Variants in SPIDR observed in about 807,000 individuals in gnomAD.
SPIDR encodes DNA repair-scaffolding protein.
A neutral mutation model predicts 104.6 loss-of-function variants in SPIDR; 93 were observed. The ratio of observed to expected loss-of-function variants is 0.89; its 90% CI spans 0.75 to 1.06. SPIDR has a LOEUF of 1.06. Among genes scored for constraint, SPIDR ranks in the 50% least tolerant of loss-of-function variants. The pLI, the probability that SPIDR is intolerant of heterozygous loss-of-function variation, is 0.00. For synonymous variants in SPIDR, 431 were observed against 416.9 expected, an observed-to-expected ratio of 1.03 and a Z score of -0.41; for missense variants, 1,154 against 1,111.2, an observed-to-expected ratio of 1.04 and a Z score of -0.55.
chr8:47,320,270 C>T (rs1223259339), intron 5 of SPIDR, among the ~76,000 whole-genome samples: 5 of 152,092 alleles, frequency 3.3e-5, no homozygotes. Flanking sequence ...GGAGATATCA[C>T]CACTAATCCC....
chr8:47,543,805 G>A (rs879426643), intron 8 of SPIDR, among the ~76,000 whole-genome samples: 3 of 152,110 alleles, frequency 2.0e-5, no homozygotes, highest in African/African-American at 7.2e-5. Flanking sequence ...GAGATATGGT[G>A]GTCAGTTTTT....
chr8:47,285,265 A>G (rs1705417083), intron 3 of SPIDR, among the ~76,000 whole-genome samples: 2 of 152,194 alleles, frequency 1.3e-5, no homozygotes, highest in Non-Finnish European at 2.9e-5. Context: ...TACTATTTCA[A>G]GTGACATGGA....
intron 8 of SPIDR, among the ~76,000 whole-genome samples, chr8:47,590,989 T>C (rs373603891): frequency 1.3e-5 from 2 of 152,200 alleles, no homozygotes; most frequent in African/African-American, 4.8e-5. Context: ...AATGTTTACA[T>C]GATGTATCTT....
chr8:47,662,423 C>T (rs2074265013), intron 10 of SPIDR, among the ~76,000 whole-genome samples: 1 of 152,276 alleles, frequency 6.6e-6, no homozygotes, highest in Admixed American at 6.5e-5. Context: ...ACTTTTAACA[C>T]TATATAAACA....
At chr8:47,319,292 A>G (rs1276799869) in intron 5 of SPIDR, among the ~76,000 whole-genome samples, 3 of 152,198 alleles carry the variant, frequency 2.0e-5, no homozygotes, top group Admixed American at 6.5e-5. Context: ...AGGGGTTTCA[A>G]TCCTAGTCTC....
intron 8 of SPIDR, among the ~76,000 whole-genome samples, chr8:47,469,241 G>C (rs2075328322): frequency 6.6e-6 from 1 of 152,114 alleles, no homozygotes; most frequent in Non-Finnish European, 1.5e-5. Context: ...GTACACTGTT[G>C]GTGGGAGTAT....
intron 2 of SPIDR, among the ~76,000 whole-genome samples, chr8:47,283,408 T>C (rs927195372): frequency 1.3e-5 from 2 of 152,170 alleles, no homozygotes; most frequent in African/African-American, 4.8e-5. Context: ...ACAGTAGTAA[T>C]ACCAGAGATC....
chr8:47,460,862 A>G (rs1453779298), intron 8 of SPIDR, among the ~76,000 whole-genome samples: 4 of 152,134 alleles, frequency 2.6e-5, no homozygotes, highest in African/African-American at 9.7e-5. Flanking sequence ...GGTAGTGGCG[A>G]ATTCTCTCAG....
At position 47,701,974 on chromosome 8, in the gene SPIDR, C is replaced by G. The variant is rs747279596; in HGVS notation, c.1936C>G (p.Arg646Gly). 1 of 1,613,804 alleles carries G rather than the reference C, an allele frequency of 6.2e-7. No homozygotes were observed. The highest frequency in any genetic ancestry group is 1.3e-5 in the African/African-American group (1 of 74,812). Residue 646 changes from arginine (R) to glycine (G), a missense_variant, in exon 14 of 20, where the codon CGT becomes GGT. Arg to Gly is a moderately radical substitution (Grantham distance 125). Transcript: ENST00000297423. The part of the protein sequence containing the change: ...DILQMNDLGT[R>G]CSFYATVIYQ... ...TTTCCAGATGAATGATCTTGGTACC[C>G]GTTGCAGTTTCTATGCCACGGTGAT...
intron 1 of SPIDR, among the ~76,000 whole-genome samples, chr8:47,267,077 TG>T (rs1554547406): frequency 6.6e-6 from 1 of 152,268 alleles, no homozygotes; most frequent in African/African-American, 2.4e-5. Flanking sequence ...CTATTTATTT[TG>T]AATAAATTTT....
At chr8:47,508,055 G>A (rs900389049) in intron 8 of SPIDR, among the ~76,000 whole-genome samples, 1 of 152,154 alleles carries the variant, frequency 6.6e-6, no homozygotes, top group African/African-American at 2.4e-5. Flanking sequence ...GGCTACCCTG[G>A]GAGCAGACTG....
At chr8:47,300,137 T>C (rs2041778784) in intron 5 of SPIDR, among the ~76,000 whole-genome samples, 1 of 152,232 alleles carries the variant, frequency 6.6e-6, no homozygotes, top group Non-Finnish European at 1.5e-5. Flanking sequence ...GAGCCTGTTA[T>C]TGGTCCATTC....
intron 16 of SPIDR, among the ~76,000 whole-genome samples, chr8:47,725,558 A>G (rs1314237625): frequency 6.6e-6 from 1 of 151,996 alleles, no homozygotes; most frequent in Admixed American, 6.6e-5. Context: ...CGCCTGGCTA[A>G]TTTTTGTATT....
chr8:47,386,077 T>C (rs1488926861), intron 5 of SPIDR, among the ~76,000 whole-genome samples: 1 of 152,014 alleles, frequency 6.6e-6, no homozygotes, highest in Non-Finnish European at 1.5e-5. Context: ...TCTCTCTGGA[T>C]AGGTAGTTAT....
chr8:47,416,115 G>C (rs1223683412), intron 7 of SPIDR, among the ~76,000 whole-genome samples: 1 of 152,142 alleles, frequency 6.6e-6, no homozygotes, highest in Admixed American at 6.5e-5. Context: ...GTGGTGGCAG[G>C]CGCCTGTAAT....
At chr8:47,708,247 C>T (rs1007625929) in intron 14 of SPIDR, among the ~76,000 whole-genome samples, 9 of 152,184 alleles carry the variant, frequency 5.9e-5, no homozygotes, top group Non-Finnish European at 7.3e-5. Context: ...TGCAGTGAGC[C>T]GAAATTGTGC....
intron 8 of SPIDR, among the ~76,000 whole-genome samples, chr8:47,467,923 G>A (rs574497685): frequency 6.6e-6 from 1 of 152,274 alleles, no homozygotes. Flanking sequence ...AATTATTCCT[G>A]TTTGCAGAAG....
chr8:47,636,198 A>G (rs2067897415), intron 10 of SPIDR, among the ~76,000 whole-genome samples: 1 of 152,116 alleles, frequency 6.6e-6, no homozygotes, highest in Non-Finnish European at 1.5e-5. Context: ...GTGATCAGTG[A>G]TCTTTTATGT....
chr8:47,410,807 C>G (rs182966044), intron 7 of SPIDR, among the ~76,000 whole-genome samples: 2 of 152,118 alleles, frequency 1.3e-5, no homozygotes, highest in Admixed American at 1.3e-4. Context: ...TATCCCTCCC[C>G]GCTCCCCCAA....
Sources: allele counts gnomAD v4.1 joint callset (sites outside exome capture counted in the v4.1 genomes callset), GRCh38; gene constraint gnomAD v4.1.1; transcripts MANE v1.5; gene names NCBI Gene and HGNC (gene_info 2026-07-23, HGNC 2026-07-21).